CALCOCO2: variants seen among roughly 807,000 people sequenced by gnomAD.
The protein encoded by CALCOCO2 is calcium binding and coiled-coil domain 2, also known as calcium-binding and coiled-coil domain-containing protein 2.
CALCOCO2 carries 42 observed loss-of-function variants against 62.5 expected under a neutral mutation model. The observed-to-expected ratio is 0.67, with a 90% CI of 0.53 to 0.87. CALCOCO2 has a LOEUF of 0.87. CALCOCO2 is among the 40% of genes least tolerant of loss of function. CALCOCO2 has a pLI of 0.00. For missense variants in CALCOCO2, 456 were observed against 515.0 expected (o/e 0.89, Z 1.11); for synonymous variants, 167 against 173.0 (o/e 0.97, Z 0.27).
chr17:48,845,728 C>CAAAAAAAAAAAAAAAA (rs534937285), intron 2 of CALCOCO2, among the ~76,000 whole-genome samples: 1 of 107,894 alleles, frequency 9.3e-6, no homozygotes, highest in Non-Finnish European at 1.8e-5. Context: ...GACTCCATCT[C>CAAAAAAAAAAAAAAAA]AAAAAAAAAA....
intron 2 of CALCOCO2, chr17:48,845,987 T>C (rs1226058014): frequency 1.2e-6 from 1 of 800,960 alleles, no homozygotes; most frequent in Non-Finnish European, 2.0e-6. Context: ...CTGTAAAGTT[T>C]CGTCCTTTGC....
chr17:48,841,665 C>T (rs1253838707), intron 1 of CALCOCO2, 33 bp from the exon 2 acceptor site: 1 of 1,437,494 alleles, frequency 7.0e-7, no homozygotes. Context: ...ACAATGCTTT[C>T]TGAGCCTTAC....
rs1294921632 is a variant in CALCOCO2 at position 48,835,894 on chromosome 17, C to T, written c.-11+4816C>T. On this transcript the variant is annotated intron_variant, in intron 1 of 12. Transcript: ENST00000258947. ...CCTCCTGAGTAGCTTGGATTACAGG[C>T]GCCTACCACCACGCCCGGCTAATTT... 3.3e-5 allele frequency among the ~76,000 whole-genome samples: 5 copies of T among 152,044 alleles called. No homozygotes were observed. In the East Asian group the frequency reaches 7.7e-4, roughly 24 times the overall value.
intron 9 of CALCOCO2, among the ~76,000 whole-genome samples, chr17:48,854,461 G>A (rs189589417): frequency 5.6e-5 from 6 of 107,016 alleles, no homozygotes; most frequent in South Asian, 8.0e-4. Flanking sequence ...GTTGGAGTGC[G>A]CTGACCTGAT....
At chr17:48,860,168 T>G (rs1244065526) in intron 10 of CALCOCO2, 146 bp from the exon 11 acceptor site, 2 of 609,032 alleles carry the variant, frequency 3.3e-6, no homozygotes, top group Non-Finnish European at 5.8e-6. Flanking sequence ...CCTTCTCTTC[T>G]GAAGAATTAT....
At chr17:48,848,613 G>A (rs925169763) in intron 4 of CALCOCO2, 158 bp downstream of exon 4, 7 of 703,482 alleles carry the variant, frequency 1.0e-5, no homozygotes, top group South Asian at 1.7e-5. Flanking sequence ...GAATGACTTC[G>A]GAATGTTAAC....
At chr17:48,856,375 T>A (rs2040215270) in intron 10 of CALCOCO2, 188 bp downstream of exon 10, 1 of 525,624 alleles carries the variant, frequency 1.9e-6, no homozygotes, top group East Asian at 3.2e-5. Flanking sequence ...GTCTTTATTC[T>A]ACAACTGAAA....
chr17:48,847,250 G>T (rs956484587), intron 2 of CALCOCO2, among the ~76,000 whole-genome samples: 12 of 151,878 alleles, frequency 7.9e-5, no homozygotes, highest in African/African-American at 2.9e-4. Flanking sequence ...TTTTTTTAAT[G>T]CAGTAGTATA....
In CALCOCO2 at chr17:48,863,231, T is replaced by C; in HGVS notation, c.*226T>C. ...CCTTTAAGTCGCATAACTCTAGCTG[T>C]ATCATCCTCTCACCTGTCATTCTTC... On this transcript the variant is annotated 3_prime_UTR_variant, in exon 13 of 13. Coordinates refer to ENST00000258947, the MANE Select transcript of CALCOCO2 (RefSeq NM_005831.5). 1 of 481,404 alleles carries C rather than the reference T, an allele frequency of 2.1e-6. No individual in the cohort carries two copies. Among genetic ancestry groups the C allele is most frequent in the Non-Finnish European group, 3.8e-6 (1 of 261,810 alleles). The allele number at this position is 481,404 out of a possible 1,614,324, so 29.8% of individuals were successfully genotyped here. A position where few individuals can be genotyped will look rare whatever the true frequency, so the allele number is the denominator to read the frequency against.
chr17:48,864,566 T>C lies in CALCOCO2; in HGVS notation c.*1561T>C. ...CTCCCAGGCAGTATCAGGTGGTCAC[T>C]ACAGAGACTTCCACAAAAACTTTTG... On this transcript the variant is annotated 3_prime_UTR_variant, in exon 13 of 13. Transcript: ENST00000258947. The C allele has an allele frequency of 6.6e-6, 1 of 152,548 alleles. No individual in the cohort carries two copies. Among genetic ancestry groups the C allele is most frequent in the East Asian group, 1.9e-4 (1 of 5,202 alleles). The allele number at this position is 152,548 out of a possible 1,614,324, so 9.4% of individuals were successfully genotyped here. A position where few individuals can be genotyped will look rare whatever the true frequency, so the allele number is the denominator to read the frequency against.
chr17:48,859,708 A>G (rs1418323849), intron 10 of CALCOCO2, among the ~76,000 whole-genome samples: 1 of 152,224 alleles, frequency 6.6e-6, no homozygotes, highest in East Asian at 1.9e-4. Flanking sequence ...ACTTTCATAT[A>G]TCTACATATT....
chr17:48,858,578 C>T (rs1205260591), intron 10 of CALCOCO2, among the ~76,000 whole-genome samples: 2 of 152,100 alleles, frequency 1.3e-5, no homozygotes, highest in East Asian at 3.9e-4. Flanking sequence ...AATCCGCCCA[C>T]CTCAGCCTCC....
Position 48,857,497 on chromosome 17 carries a change from C to CTTTTTTTTTTTTTTTTTTTTTTTTTTTTT in CALCOCO2, c.1008+1333_1008+1334insTTTTTTTTTTTTTTTTTTTTTTTTTTTTT, listed in dbSNP as rs59318856. ...CAGGCGTGAGCCACTGCACCCGGCC[C>CTTTTTTTTTTTTTTTTTTTTTTTTTTTTT]TTTTTTTTTTTTTTTTTTTTTTTGA... On this transcript the variant is annotated intron_variant, in intron 10 of 12. Coordinates refer to ENST00000258947, the MANE Select transcript of CALCOCO2 (RefSeq NM_005831.5). Among the ~76,000 whole-genome samples the CTTTTTTTTTTTTTTTTTTTTTTTTTTTTT allele has an allele frequency of 4.7e-4, 18 of 38,440 alleles. 3 individuals carry two copies. Among genetic ancestry groups the CTTTTTTTTTTTTTTTTTTTTTTTTTTTTT allele is most frequent in the East Asian group, 2.0e-3 (1 of 504 alleles). 25.2% of individuals were successfully genotyped at this position (38,440 alleles called of 152,430 possible). A position where few individuals can be genotyped will look rare whatever the true frequency, so the allele number is the denominator to read the frequency against.
intron 1 of CALCOCO2, among the ~76,000 whole-genome samples, chr17:48,838,357 G>A (rs944107741): frequency 1.3e-5 from 2 of 152,070 alleles, no homozygotes; most frequent in African/African-American, 4.8e-5. Flanking sequence ...CTGTCTGCTT[G>A]TGGATTTCAT....
In CALCOCO2 at chr17:48,849,375, C is replaced by A. The variant is rs1353443967; in HGVS notation, c.541C>A (p.Gln181Lys). The A allele has an allele frequency of 3.4e-5, 55 of 1,612,772 alleles. No individual in the cohort carries two copies. The highest frequency in any genetic ancestry group is 4.7e-5 in the Non-Finnish European group (55 of 1,179,580). ...CATGCAGGCTGAGCTCCAAAAGAAG[C>A]AGGTATGGCTGCTGGTTATAGGTGA... is the stretch of plus-strand genomic sequence containing the variant. The part of the protein sequence containing the change: ...SDMQAELQKK[Q>K]EELETLQSIN... Residue 181 changes from glutamine to lysine, a missense_variant and splice_region_variant, in exon 5 of 13, where the codon CAG (glutamine) becomes AAG (lysine). Coordinates refer to ENST00000258947, the MANE Select transcript of CALCOCO2 (RefSeq NM_005831.5).
chr17:48,851,384 T>C, intron 6 of CALCOCO2, 175 bp from the exon 7 acceptor site: 1 of 623,052 alleles, frequency 1.6e-6, no homozygotes, highest in South Asian at 1.9e-5. Flanking sequence ...ACTTTAGGGA[T>C]TGAATACTTG....
At chr17:48,849,220 T>G (rs1436702952) in intron 4 of CALCOCO2, 32 bp from the exon 5 acceptor site, 1 of 1,609,626 alleles carries the variant, frequency 6.2e-7, no homozygotes, top group East Asian at 2.2e-5. Context: ...TAGAGGGACT[T>G]GGAATATAGT....
intron 11 of CALCOCO2, among the ~76,000 whole-genome samples, chr17:48,860,819 A>G (rs61238503): frequency 0.11 from 17,303 of 152,196 alleles, 1,776 homozygotes; most frequent in African/African-American, 0.28. Flanking sequence ...AGGAACTAGC[A>G]GTTACAGCAG....
chr17:48,856,257 A>C (rs911121866), intron 10 of CALCOCO2, 70 bp downstream of exon 10: 6 of 821,802 alleles, frequency 7.3e-6, no homozygotes, highest in Non-Finnish European at 1.2e-5. Context: ...CCAGAGATGT[A>C]GTGAAAAAAA....
Sources: allele counts gnomAD v4.1 joint callset (sites outside exome capture counted in the v4.1 genomes callset), GRCh38; gene constraint gnomAD v4.1.1; transcripts MANE v1.5; gene names NCBI Gene and HGNC (gene_info 2026-07-23, HGNC 2026-07-21).